The following PDE4D variants were observed in gnomAD, a reference collection of about 807,000 sequenced individuals.
PDE4D encodes 3',5'-cyclic-AMP phosphodiesterase 4D.
In PDE4D, 24 loss-of-function variants were observed where a neutral mutation model predicts 87.4. That is an observed-to-expected ratio of 0.27 (90% CI 0.20 to 0.39). PDE4D has a LOEUF of 0.39. PDE4D is among the 10% of genes least tolerant of loss of function. The pLI, the probability that PDE4D is intolerant of heterozygous loss-of-function variation, is 1.00. For missense variants in PDE4D, 714 were observed against 1,041.0 expected (o/e 0.69, Z 4.32); for synonymous variants, 384 against 383.2 (o/e 1.00, Z -0.02).
At chr5:60,477,871 T>G (rs539075901) in intron 1 of PDE4D, among the ~76,000 whole-genome samples, 1 of 152,338 alleles carries the variant, frequency 6.6e-6, no homozygotes, top group South Asian at 2.1e-4. Context: ...CATCTTGGCT[T>G]GCCAGCTAAC....
intron 1 of PDE4D, among the ~76,000 whole-genome samples, chr5:59,386,048 C>A (rs1786911488): frequency 6.6e-6 from 1 of 152,096 alleles, no homozygotes; most frequent in Non-Finnish European, 1.5e-5. Context: ...AAACAGGAGC[C>A]TTGGATAGGA....
intron 1 of PDE4D, among the ~76,000 whole-genome samples, chr5:59,377,123 A>C (rs1479426477): frequency 1.3e-5 from 2 of 152,146 alleles, no homozygotes; most frequent in African/African-American, 4.8e-5. Context: ...GAACAGGTGA[A>C]GATGTCCTGA....
chr5:59,797,794 T>C (rs939327148), intron 1 of PDE4D, among the ~76,000 whole-genome samples: 2 of 152,160 alleles, frequency 1.3e-5, no homozygotes, highest in African/African-American at 4.8e-5. Context: ...GAAGAGTGCA[T>C]GGACACTTTT....
chr5:60,340,272 G>A (rs1378479958), intron 1 of PDE4D, among the ~76,000 whole-genome samples: 1 of 138,788 alleles, frequency 7.2e-6, no homozygotes, highest in Admixed American at 7.0e-5. Flanking sequence ...AACCTGTACA[G>A]CATCCTATTT....
At chr5:60,183,989 G>A (rs369387549) in intron 2 of PDE4D, among the ~76,000 whole-genome samples, 3 of 152,230 alleles carry the variant, frequency 2.0e-5, no homozygotes, top group East Asian at 1.9e-4. Context: ...AGTGAAATGA[G>A]AGTTCTACTG....
At chr5:60,257,455 T>C (rs1028230201) in intron 1 of PDE4D, among the ~76,000 whole-genome samples, 3 of 151,950 alleles carry the variant, frequency 2.0e-5, no homozygotes, top group African/African-American at 7.2e-5. Context: ...ACAAAAAAAG[T>C]ATTAAAAATA....
At chr5:60,436,626 G>A (rs1744777884) in intron 1 of PDE4D, among the ~76,000 whole-genome samples, 1 of 152,034 alleles carries the variant, frequency 6.6e-6, no homozygotes, top group Admixed American at 6.6e-5. Flanking sequence ...CTTTAGAATT[G>A]AAGTATGATT....
intron 1 of PDE4D, among the ~76,000 whole-genome samples, chr5:60,500,984 CT>C (rs564337980): frequency 0.077 from 11,300 of 146,180 alleles, 1,194 homozygotes; most frequent in African/African-American, 0.24. Flanking sequence ...TACAGGTTTT[CT>C]TTTTTTTTTT....
chr5:59,533,297 T>G (rs1814561600), intron 1 of PDE4D, among the ~76,000 whole-genome samples: 1 of 152,258 alleles, frequency 6.6e-6, no homozygotes, highest in Non-Finnish European at 1.5e-5. Context: ...TTAAATTTTT[T>G]AAAACTCAGA....
At chr5:59,623,997 G>T (rs559117680) in intron 1 of PDE4D, among the ~76,000 whole-genome samples, 1 of 149,424 alleles carries the variant, frequency 6.7e-6, no homozygotes, top group Non-Finnish European at 1.5e-5. Context: ...ATATTATTTG[G>T]CCTTACTATT....
At chr5:59,599,484 G>A (rs186290559) in intron 1 of PDE4D, among the ~76,000 whole-genome samples, 30 of 151,576 alleles carry the variant, frequency 2.0e-4, no homozygotes, top group African/African-American at 3.4e-4. Flanking sequence ...CAGGTGATCC[G>A]CCCACCTTGG....
chr5:60,060,775 G>A (rs1016820158), intron 2 of PDE4D, among the ~76,000 whole-genome samples: 2 of 151,910 alleles, frequency 1.3e-5, no homozygotes, highest in African/African-American at 2.4e-5. Context: ...TTGAACTTTG[G>A]GGGTAGGTTT....
chr5:60,362,764 C>G (rs1760175306), intron 1 of PDE4D, among the ~76,000 whole-genome samples: 1 of 150,772 alleles, frequency 6.6e-6, no homozygotes, highest in Non-Finnish European at 1.5e-5. Context: ...GAGGCTGAGG[C>G]AGAAGAATCG....
At chr5:60,094,800 T>C (rs919428052) in intron 2 of PDE4D, among the ~76,000 whole-genome samples, 1 of 151,932 alleles carries the variant, frequency 6.6e-6, no homozygotes, top group Non-Finnish European at 1.5e-5. Context: ...CCTCCAGAAC[T>C]GTGAGGCAAT....
intron 1 of PDE4D, among the ~76,000 whole-genome samples, chr5:59,296,715 A>G (rs931697947): frequency 6.6e-6 from 1 of 152,096 alleles, no homozygotes; most frequent in African/African-American, 2.4e-5. Flanking sequence ...TTCATTATAC[A>G]AGGAATATTG....
intron 3 of PDE4D, among the ~76,000 whole-genome samples, chr5:59,940,665 T>C (rs765367119): frequency 3.3e-5 from 5 of 152,088 alleles, no homozygotes; most frequent in African/African-American, 9.7e-5. Flanking sequence ...TTGAGACATA[T>C]GGATAGAGAT....
At chr5:59,228,354 C>G (rs1004557271) in intron 1 of PDE4D, among the ~76,000 whole-genome samples, 10 of 151,764 alleles carry the variant, frequency 6.6e-5, no homozygotes, top group African/African-American at 2.4e-4. Context: ...ATACCAAACC[C>G]CCGGGGTCAC....
chr5:60,314,392 C>T (rs1379367040), intron 1 of PDE4D, among the ~76,000 whole-genome samples: 1 of 152,036 alleles, frequency 6.6e-6, no homozygotes, highest in African/African-American at 2.4e-5. Flanking sequence ...GTCTCGAACT[C>T]CTGAGATCAG....
At chr5:59,894,346 T>C (rs1751407732), upstream of PDE4D, among the ~76,000 whole-genome samples, 2 of 152,292 alleles carry the variant, frequency 1.3e-5, no homozygotes, top group East Asian at 1.9e-4. Context: ...AGATAAGGAA[T>C]GTGACCAGGC....
Sources: gnomAD v4.1 joint callset for allele counts (sites outside exome capture counted in the v4.1 genomes callset) on GRCh38, gnomAD v4.1.1 for gene constraint, MANE v1.5 for transcripts, NCBI Gene and HGNC (gene_info 2026-07-23, HGNC 2026-07-21) for gene names.